Variants in TMED10 observed in about 807,000 individuals in gnomAD.
TMED10 encodes transmembrane emp24 domain-containing protein 10.
TMED10 carries 7 observed loss-of-function variants against 23.1 expected under a neutral mutation model. That is an observed-to-expected ratio of 0.30 (90% CI 0.17 to 0.57). The LOEUF (loss-of-function observed/expected upper bound fraction) is 0.57. TMED10 is among the 20% of genes least tolerant of loss of function. TMED10 has a pLI of 0.91. For synonymous variants in TMED10, 113 were observed against 106.9 expected (o/e 1.06, Z -0.35); for missense variants, 162 against 274.8 (o/e 0.59, Z 2.90).
intron 1 of TMED10, among the ~76,000 whole-genome samples, chr14:75,161,994 AAGT>A (rs1174296525): frequency 6.6e-6 from 1 of 151,486 alleles, no homozygotes; most frequent in Non-Finnish European, 1.5e-5. Context: ...AGAAAGTAAG[AAGT>A]GCTCAAAAAC....
In TMED10 at chr14:75,132,384, T is replaced by TCCCCCC. The variant is rs35138830; in HGVS notation, c.*2495_*2500dup. ...GCCTGGGCGTTGCAGCAAGACTCCG[T>TCCCCCC]CCCCCCCCCCCCAAAAAAAAAAAAG... On this transcript the variant is annotated 3_prime_UTR_variant, in exon 5 of 5. Coordinates refer to ENST00000303575, the MANE Select transcript of TMED10 (RefSeq NM_006827.6). 7.6e-5 allele frequency: 4 copies of TCCCCCC among 52,890 alleles called. No homozygotes were observed. The highest frequency in any genetic ancestry group is 1.6e-4 in the African/African-American group (2 of 12,878). 3.3% of individuals were successfully genotyped at this position (52,890 alleles called of 1,614,324 possible).
chr14:75,170,409 G>A (rs553677251), intron 1 of TMED10, among the ~76,000 whole-genome samples: 27 of 152,176 alleles, frequency 1.8e-4, no homozygotes, highest in South Asian at 2.1e-4. Flanking sequence ...GAATTCCTTA[G>A]AGAAACAGTT....
chr14:75,152,902 G>A (rs1269413566), intron 1 of TMED10, among the ~76,000 whole-genome samples: 1 of 152,066 alleles, frequency 6.6e-6, no homozygotes, highest in African/African-American at 2.4e-5. Context: ...GATGGATCAC[G>A]AGGTCAAGAG....
At chr14:75,137,326 A>C (rs374938402) in intron 3 of TMED10, among the ~76,000 whole-genome samples, 5 of 150,788 alleles carry the variant, frequency 3.3e-5, no homozygotes, top group African/African-American at 1.2e-4. Context: ...CCAGATCTTA[A>C]AACTTTTACA....
At chr14:75,165,883 A>T (rs1896154495) in intron 1 of TMED10, among the ~76,000 whole-genome samples, 1 of 152,096 alleles carries the variant, frequency 6.6e-6, no homozygotes, top group Non-Finnish European at 1.5e-5. Flanking sequence ...GCAAATTTCC[A>T]GGCACTGGCA....
intron 1 of TMED10, among the ~76,000 whole-genome samples, chr14:75,164,839 G>A (rs953163751): frequency 6.7e-6 from 1 of 150,280 alleles, no homozygotes; most frequent in African/African-American, 2.5e-5. Context: ...TGGAAACAGA[G>A]AGAAAGGGGT....
chr14:75,153,523 T>C (rs1895981109), intron 1 of TMED10, among the ~76,000 whole-genome samples: 1 of 152,234 alleles, frequency 6.6e-6, no homozygotes, highest in Non-Finnish European at 1.5e-5. Flanking sequence ...CCTTCATTTC[T>C]AGAGCACGTG....
Position 75,131,591 on chromosome 14 carries a change from CAG to C in TMED10, c.*3292_*3293del, listed in dbSNP as rs561231298. 7.9e-5 allele frequency: 12 copies of C among 152,672 alleles called. No homozygotes were observed. In the South Asian group the frequency reaches 2.1e-3, roughly 26 times the overall value. 9.5% of individuals were successfully genotyped at this position (152,672 alleles called of 1,614,324 possible). A position where few individuals can be genotyped will look rare whatever the true frequency, so the allele number is the denominator to read the frequency against. ...AACAAACCAAGAAATGGCTTTATGA[CAG>C]GGGTCCATGACAATGGTATAACAAG... is the stretch of plus-strand genomic sequence containing the variant. On this transcript the variant is annotated 3_prime_UTR_variant, in exon 5 of 5. Transcript: ENST00000303575.
chr14:75,163,621 C>A (rs1896113152), intron 1 of TMED10, among the ~76,000 whole-genome samples: 1 of 150,016 alleles, frequency 6.7e-6, no homozygotes. Flanking sequence ...TCTGAGAGAC[C>A]ATACAACATA....
At chr14:75,140,697 C>G (rs1260965524) in intron 3 of TMED10, among the ~76,000 whole-genome samples, 1 of 152,054 alleles carries the variant, frequency 6.6e-6, no homozygotes, top group Non-Finnish European at 1.5e-5. Flanking sequence ...TGGGTGGACT[C>G]TGTCTCAAAA....
chr14:75,174,348 C>G (rs1236272867), intron 1 of TMED10, among the ~76,000 whole-genome samples: 4 of 152,086 alleles, frequency 2.6e-5, no homozygotes, highest in Non-Finnish European at 5.9e-5. Flanking sequence ...AAGAGCACAA[C>G]AAAGCATGTT....
chr14:75,161,168 C>T (rs907740901), intron 1 of TMED10, among the ~76,000 whole-genome samples: 5 of 152,196 alleles, frequency 3.3e-5, no homozygotes, highest in African/African-American at 1.2e-4. Flanking sequence ...AAGATAAACT[C>T]ATTTAAAATT....
intron 1 of TMED10, among the ~76,000 whole-genome samples, chr14:75,174,428 C>G (rs1466453601): frequency 2.0e-5 from 3 of 152,064 alleles, no homozygotes; most frequent in Non-Finnish European, 4.4e-5. Context: ...ACAAATCAGA[C>G]AGCAACACGA....
rs576516850 is a variant in TMED10, at chr14:75,156,202, T to C, written c.226-4059A>G. ...GAGATAAGGAGGTGGGTTGGGACAC[T>C]ATTCCAGTACTCCAGGTAAGAAAGG... On this transcript the variant is annotated intron_variant, in intron 1 of 4. Coordinates refer to ENST00000303575, the MANE Select transcript of TMED10 (RefSeq NM_006827.6). 5.3e-5 allele frequency among the ~76,000 whole-genome samples: 8 copies of C among 152,164 alleles called. No individual in the cohort carries two copies. In the East Asian group the frequency reaches 5.8e-4, roughly 11 times the overall value.
chr14:75,141,268 AAC>A (rs1350613666), intron 3 of TMED10, among the ~76,000 whole-genome samples: 3 of 152,192 alleles, frequency 2.0e-5, no homozygotes, highest in Non-Finnish European at 2.9e-5. Flanking sequence ...TGTAAACCAA[AAC>A]ACGGAGGGAG....
chr14:75,153,776 C>CTTTTTT (rs1485882368), intron 1 of TMED10, among the ~76,000 whole-genome samples: 1 of 84,680 alleles, frequency 1.2e-5, no homozygotes, highest in African/African-American at 3.6e-5. Flanking sequence ...TTTTTTTTTC[C>CTTTTTT]CTTTTTTTTT....
At chr14:75,136,549 A>G (rs1439568622) in intron 3 of TMED10, among the ~76,000 whole-genome samples, 2 of 152,342 alleles carry the variant, frequency 1.3e-5, no homozygotes, top group East Asian at 3.9e-4. Flanking sequence ...TGGGAGTCAT[A>G]TTAAGTCAAA....
intron 1 of TMED10, among the ~76,000 whole-genome samples, chr14:75,156,700 C>A (rs1049631772): frequency 6.6e-6 from 1 of 152,078 alleles, no homozygotes; most frequent in Non-Finnish European, 1.5e-5. Flanking sequence ...AATCCCAGCA[C>A]TTTGGGAGGC....
At chr14:75,147,197 T>TTTTTTTTTTTTTTG in intron 3 of TMED10, among the ~76,000 whole-genome samples, 1 of 148,580 alleles carries the variant, frequency 6.7e-6, no homozygotes, top group African/African-American at 2.6e-5. Context: ...TTTTTTTTTT[T>TTTTTTTTTTTTTTG]TTTTTTTTTG....
Sources: gnomAD v4.1 joint callset for allele counts (sites outside exome capture counted in the v4.1 genomes callset) on GRCh38, gnomAD v4.1.1 for gene constraint, MANE v1.5 for transcripts, NCBI Gene and HGNC (gene_info 2026-07-23, HGNC 2026-07-21) for gene names.